PLCG2: variants seen among roughly 807,000 people sequenced by gnomAD.
The protein encoded by PLCG2 is phospholipase C gamma 2, also known as 1-phosphatidylinositol 4,5-bisphosphate phosphodiesterase gamma-2.
In PLCG2, 69 loss-of-function variants were observed where a neutral mutation model predicts 175.6. That is an observed-to-expected ratio of 0.39 (90% confidence interval 0.32 to 0.48). The LOEUF is 0.48. Among genes scored for constraint, PLCG2 ranks in the 20% least tolerant of loss-of-function variants. The pLI is 0.91. For synonymous variants in PLCG2, 827 were observed against 624.0 expected (o/e 1.33, Z -4.85); for missense variants, 1,798 against 1,650.9 (o/e 1.09, Z -1.54).
intron 2 of PLCG2, among the ~76,000 whole-genome samples, chr16:81,768,114 T>C (rs559010790): frequency 2.9e-4 from 44 of 152,246 alleles, no homozygotes; most frequent in Non-Finnish European, 5.9e-4. Context: ...GGTCTTGAAC[T>C]TCTGACCCAC....
intron 2 of PLCG2, among the ~76,000 whole-genome samples, chr16:81,839,309 T>C (rs1457476553): frequency 6.6e-6 from 1 of 152,076 alleles, no homozygotes; most frequent in Non-Finnish European, 1.5e-5. Context: ...AATAATGTCA[T>C]ATGGCTCCAA....
At chr16:81,868,327 C>G (rs149926950) in intron 5 of PLCG2, among the ~76,000 whole-genome samples, 3 of 152,170 alleles carry the variant, frequency 2.0e-5, no homozygotes, top group Non-Finnish European at 4.4e-5. Flanking sequence ...CCCTTAGTGA[C>G]CTTGCCTTGC....
intron 2 of PLCG2, among the ~76,000 whole-genome samples, chr16:81,833,724 G>A (rs1905369482): frequency 6.6e-6 from 1 of 151,728 alleles, no homozygotes; most frequent in Non-Finnish European, 1.5e-5. Context: ...TTGTAGAGGT[G>A]GGAACTTACA....
chr16:81,744,720 G>T (rs1035717225), intron 1 of PLCG2, among the ~76,000 whole-genome samples: 1 of 151,916 alleles, frequency 6.6e-6, no homozygotes, highest in African/African-American at 2.4e-5. Context: ...TACAGGCATG[G>T]GTCACCATAC....
intron 5 of PLCG2, among the ~76,000 whole-genome samples, chr16:81,865,977 G>A (rs1238676609): frequency 2.1e-5 from 3 of 140,154 alleles, no homozygotes; most frequent in Non-Finnish European, 4.6e-5. Context: ...GCTCCACTGG[G>A]GCACCAGCGT....
At chr16:81,899,527 C>T (rs1423385172) in intron 13 of PLCG2, among the ~76,000 whole-genome samples, 1 of 152,160 alleles carries the variant, frequency 6.6e-6, no homozygotes, top group African/African-American at 2.4e-5. Context: ...ATGCGATGCA[C>T]ACGTGTTCAG....
chr16:81,791,180 G>C (rs866477620), intron 2 of PLCG2, among the ~76,000 whole-genome samples: 1 of 152,204 alleles, frequency 6.6e-6, no homozygotes, highest in African/African-American at 2.4e-5. Context: ...GCCCTTGCAA[G>C]ATTGTGTGCT....
At chr16:81,773,833 G>C (rs552841765) in intron 2 of PLCG2, among the ~76,000 whole-genome samples, 2 of 152,106 alleles carry the variant, frequency 1.3e-5, no homozygotes, top group African/African-American at 4.8e-5. Flanking sequence ...GAGAGTGAGC[G>C]ACTGGGACTG....
intron 14 of PLCG2, among the ~76,000 whole-genome samples, chr16:81,901,235 G>A (rs1201777278): frequency 6.6e-6 from 1 of 152,162 alleles, no homozygotes; most frequent in Non-Finnish European, 1.5e-5. Context: ...GTGGGAGGCG[G>A]GCAGTTGCTA....
chr16:81,959,115 G>A lies in PLCG2; in HGVS notation c.*1117G>A. ...CTTTTTAAAGGAGAGGAGAGTGCTG[G>A]GTTGGGAAGGGAGGTGGTTGGTAGA... is the stretch of plus-strand genomic sequence containing the variant. On this transcript the variant is annotated 3_prime_UTR_variant, in exon 33 of 33. Transcript: ENST00000564138. 4.5e-6 allele frequency: 1 copy of A among 223,816 alleles called. No homozygotes were observed. Among genetic ancestry groups the A allele is most frequent in the Non-Finnish European group, 8.9e-6 (1 of 112,258 alleles). The allele number at this position is 223,816 out of a possible 1,614,324, so 13.9% of individuals were successfully genotyped here.
intron 2 of PLCG2, among the ~76,000 whole-genome samples, chr16:81,852,445 TGTA>T (rs1448883356): frequency 6.6e-6 from 1 of 151,094 alleles, no homozygotes; most frequent in East Asian, 2.0e-4. Context: ...TGATTGTTGT[TGTA>T]GTTTTTCAGA....
At chr16:81,745,271 C>G (rs534850311) in intron 1 of PLCG2, among the ~76,000 whole-genome samples, 13 of 152,242 alleles carry the variant, frequency 8.5e-5, no homozygotes, top group African/African-American at 3.1e-4. Flanking sequence ...CTAGTGCTGA[C>G]CCATGAGAGG....
intron 1 of PLCG2, among the ~76,000 whole-genome samples, chr16:81,744,738 AT>A (rs796901735): frequency 1.3e-5 from 2 of 149,290 alleles, no homozygotes; most frequent in Non-Finnish European, 3.0e-5. Flanking sequence ...TACCCAGCTA[AT>A]TTTTTTTTTA....
At chr16:81,876,482 G>T (rs1196324216) in intron 7 of PLCG2, among the ~76,000 whole-genome samples, 1 of 152,020 alleles carries the variant, frequency 6.6e-6, no homozygotes. Context: ...CTTTCTTAGT[G>T]CCCTGGCCCC....
At chr16:81,860,169 ATTATTTTTT>A (rs1213140533) in intron 5 of PLCG2, among the ~76,000 whole-genome samples, 15 of 93,394 alleles carry the variant, frequency 1.6e-4, no homozygotes, top group African/African-American at 3.5e-4. Flanking sequence ...TATTATTATT[ATTATTTTTT>A]TTTTTTTTTG....
At chr16:81,914,716 C>T (rs981259909) in intron 19 of PLCG2, among the ~76,000 whole-genome samples, 2 of 152,166 alleles carry the variant, frequency 1.3e-5, no homozygotes, top group African/African-American at 4.8e-5. Flanking sequence ...TGAGAGACAT[C>T]GCCTTACTCC....
At chr16:81,931,327 A>G (rs1910493247) in intron 24 of PLCG2, 170 bp from the exon 25 acceptor site, 1 of 547,316 alleles carries the variant, frequency 1.8e-6, no homozygotes, top group Non-Finnish European at 3.2e-6. Context: ...TTGAGTAGTC[A>G]TCTGTGATGT....
chr16:81,917,090 T>C (rs752351209), intron 19 of PLCG2, among the ~76,000 whole-genome samples: 4 of 152,170 alleles, frequency 2.6e-5, no homozygotes, highest in Non-Finnish European at 5.9e-5. Context: ...ACCATTCTAC[T>C]CTCCACTTCC....
At chr16:81,910,837 C>A (rs1165030621) in intron 18 of PLCG2, 117 bp downstream of exon 18, 29 of 928,880 alleles carry the variant, frequency 3.1e-5, no homozygotes, top group Non-Finnish European at 4.6e-5. Flanking sequence ...CTCCCCAGCC[C>A]ACCGGCATCT....
Sources: allele counts gnomAD v4.1 joint callset (sites outside exome capture counted in the v4.1 genomes callset), GRCh38; gene constraint gnomAD v4.1.1; transcripts MANE v1.5; gene names NCBI Gene and HGNC (gene_info 2026-07-23, HGNC 2026-07-21).